Variants in EIF3F observed in about 807,000 individuals in gnomAD.
The protein encoded by EIF3F is eukaryotic translation initiation factor 3 subunit F.
Under a neutral mutation model 36.0 loss-of-function variants are expected in EIF3F, and 8 were observed. The observed-to-expected ratio is 0.22, with a 90% CI of 0.13 to 0.40. The LOEUF (loss-of-function observed/expected upper bound fraction) is 0.40. Among genes scored for constraint, EIF3F ranks in the 10% least tolerant of loss-of-function variants. The pLI, the probability that EIF3F is intolerant of heterozygous loss-of-function variation, is 1.00. For missense variants in EIF3F, 430 were observed against 467.6 expected (o/e 0.92, Z 0.74); for synonymous variants, 184 against 188.5 (o/e 0.98, Z 0.19).
rs189557868 is a variant in EIF3F, at chr11:7,993,218, A to G, written c.653+194A>G. On this transcript the variant is annotated intron_variant, in intron 4 of 7. Coordinates refer to ENST00000651655, the MANE Select transcript of EIF3F (RefSeq NM_003754.3). ...TCCTGTAATTTCTACCGCTGATCCT[A>G]GTTGTACTCCAGTTTCTACTCATTG... Among the ~76,000 whole-genome samples the G allele has an allele frequency of 2.6e-5, 4 of 152,260 alleles. No individual in the cohort carries two copies. In the East Asian group the frequency reaches 7.7e-4, roughly 29 times the overall value.
rs746075840 is a variant in EIF3F at position 7,995,269 on chromosome 11, G to C, written c.898G>C (p.Ala300Pro). 5 of 1,613,950 alleles carry C rather than the reference G, an allele frequency of 3.1e-6. No individual in the cohort carries two copies. In the Admixed American group the frequency reaches 5.0e-5, roughly 16 times the overall value. ...TGGTACTCAGTCTGGAAAGGTGTCA[G>C]CTGACAATACTGTGGGCCGCTTCCT... Reference protein sequence around the residue: ...AEDVLSGKVSADNTVGRFLMS... With the variant: ...AEDVLSGKVSPDNTVGRFLMS... The change falls in exon 7 of 8, where the codon GCT becomes CCT. Residue 300 changes from alanine (A) to proline (P), a missense_variant. Physicochemically the swap from Ala to Pro is conservative, Grantham distance 27. This residue lies in a region of EIF3F where 262 missense variants were observed against 347.4 expected (regional missense o/e 0.75). Transcript: ENST00000651655.
chr11:7,996,049 G>A lies in EIF3F; in HGVS notation c.*27G>A. On this transcript the variant is annotated 3_prime_UTR_variant, in exon 8 of 8. Coordinates refer to ENST00000651655, the MANE Select transcript of EIF3F (RefSeq NM_003754.3). ...TGGACCCCAAGCAGTACACTTGCTG[G>A]TCTAGGTATTAACCCCAGGACTCAG... 1 of 1,608,460 alleles carries A rather than the reference G, an allele frequency of 6.2e-7. No individual in the cohort carries two copies. The highest frequency in any genetic ancestry group is 1.3e-5 in the African/African-American group (1 of 74,906).
At position 8,000,549 on chromosome 11, in the gene EIF3F, ATGTGAGG is replaced by A. The variant is rs1942209432; in HGVS notation, c.*4530_*4536del. 6.6e-6 allele frequency: 1 copy of A among 151,716 alleles called. No individual in the cohort carries two copies. Among genetic ancestry groups the A allele is most frequent in the Non-Finnish European group, 1.5e-5 (1 of 67,892 alleles). 9.4% of individuals were successfully genotyped at this position (151,716 alleles called of 1,614,324 possible). On this transcript the variant is annotated 3_prime_UTR_variant, in exon 8 of 8. Coordinates refer to ENST00000651655, the MANE Select transcript of EIF3F (RefSeq NM_003754.3). ...GTAGATCTCACCAGGAGAAATGAAT[ATGTGAGG>A]TGATGGATGTAACTAGCTTGATTGT...
At chr11:7,992,760 G>C in intron 3 of EIF3F, 127 bp from the exon 4 acceptor site, 1 of 1,182,312 alleles carries the variant, frequency 8.5e-7, no homozygotes. Context: ...TATTGCTCTT[G>C]GCAGTTGGTG....
rs1196941674 is a variant in EIF3F, at chr11:7,997,667, TTAATAA to T, written c.*1650_*1655del. 3.3e-5 allele frequency: 5 copies of T among 152,128 alleles called. No homozygotes were observed. Among genetic ancestry groups the T allele is most frequent in the Non-Finnish European group, 2.9e-5 (2 of 68,024 alleles). The allele number at this position is 152,128 out of a possible 1,614,324, so 9.4% of individuals were successfully genotyped here. A position where few individuals can be genotyped will look rare whatever the true frequency, so the allele number is the denominator to read the frequency against. On this transcript the variant is annotated 3_prime_UTR_variant, in exon 8 of 8. Coordinates refer to ENST00000651655, the MANE Select transcript of EIF3F (RefSeq NM_003754.3). Reference sequence around the variant, plus strand: ...CTGTGAGTAACAATATAGGTGAATGTTAATAATAATGTTGAATGAAAAAAGCTGGTG... The same window carrying T: ...CTGTGAGTAACAATATAGGTGAATGTTAATGTTGAATGAAAAAAGCTGGTG...
rs1942156635 is a variant in EIF3F, at chr11:7,996,079, G to A, written c.*57G>A. The stretch of plus-strand genomic sequence containing the variant: ...GGTATTAACCCCAGGACTCAGAAGT[G>A]AAGGAGAAATGGGTTTTTTGTGGTC... On this transcript the variant is annotated 3_prime_UTR_variant, in exon 8 of 8. Coordinates refer to ENST00000651655, the MANE Select transcript of EIF3F (RefSeq NM_003754.3). 33 of 1,555,882 alleles carry A rather than the reference G, an allele frequency of 2.1e-5. No individual in the cohort carries two copies. The Admixed American group carries it at 4.7e-4, about 22-fold the overall frequency.
chr11:7,988,118 T>A (rs757248663), intron 1 of EIF3F, among the ~76,000 whole-genome samples: 2 of 152,234 alleles, frequency 1.3e-5, no homozygotes, highest in Non-Finnish European at 2.9e-5. Flanking sequence ...TGACTCCCTA[T>A]ACCAGTGACC....
chr11:7,987,419 C>T lies in EIF3F; in HGVS notation c.67C>T (p.Pro23Ser), dbSNP rs777715143. ...ATPTPVPAAAPASVPAPTPAP... is the reference protein window; with the variant it reads ...ATPTPVPAAASASVPAPTPAP... ...GCCAACCCCAGTCCCGGCGGCGGCC[C>T]CAGCCTCAGTTCCAGCGCCAACGCC... Residue 23 changes from proline to serine, a missense_variant, in exon 1 of 8, where the codon CCA becomes TCA. This residue lies in a region of EIF3F where 168 missense variants were observed against 120.2 expected (regional missense o/e 1.40). Transcript: ENST00000651655. The T allele has an allele frequency of 3.7e-6, 6 of 1,601,808 alleles. No homozygotes were observed. Among genetic ancestry groups the T allele is most frequent in the South Asian group, 2.2e-5 (2 of 90,930 alleles).
rs1289377817 is a variant in EIF3F, at chr11:7,997,066, A to G, written c.*1044A>G. ...GATGCCTAAAGGTGAATAGTTTGAA[A>G]GTAATAAGCAACATGAACCCCAGCC... On this transcript the variant is annotated 3_prime_UTR_variant, in exon 8 of 8. Transcript: ENST00000651655. 6.6e-6 allele frequency: 1 copy of G among 152,220 alleles called. No homozygotes were observed. Among genetic ancestry groups the G allele is most frequent in the Non-Finnish European group, 1.5e-5 (1 of 68,038 alleles). The allele number at this position is 152,220 out of a possible 1,614,324, so 9.4% of individuals were successfully genotyped here. A position where few individuals can be genotyped will look rare whatever the true frequency, so the allele number is the denominator to read the frequency against.
At chr11:7,988,535 G>A (rs1455396794) in intron 1 of EIF3F, among the ~76,000 whole-genome samples, 1 of 152,152 alleles carries the variant, frequency 6.6e-6, no homozygotes, top group East Asian at 1.9e-4. Context: ...AGGGATTGTT[G>A]ATAATAAATT....
intron 6 of EIF3F, 46 bp from the exon 7 acceptor site, chr11:7,995,208 G>A (rs1942146753): frequency 6.2e-7 from 1 of 1,606,730 alleles, no homozygotes; most frequent in Non-Finnish European, 8.5e-7. Flanking sequence ...GTAGGGCTCA[G>A]TGGTTATAAT....
rs113627033 is a variant in EIF3F, at chr11:7,987,858, A to G, written c.364+142A>G. On this transcript the variant is annotated intron_variant, in intron 1 of 7. Transcript: ENST00000651655. ...CAATGACCTCTTAATCTATATCTGC[A>G]TCCTACCTTTTGCTGTGACTTATCT... is the stretch of plus-strand genomic sequence containing the variant. 1.1e-3 allele frequency: 1,392 copies of G among 1,239,732 alleles called. 13 individuals carry two copies. The African/African-American group carries it at 0.018, about 16-fold the overall frequency. 76.8% of individuals were successfully genotyped at this position (1,239,732 alleles called of 1,614,324 possible). A position where few individuals can be genotyped will look rare whatever the true frequency, so the allele number is the denominator to read the frequency against.
At chr11:7,995,916 C>T (rs1338091130) in intron 7 of EIF3F, 29 bp from the exon 8 acceptor site, 1 of 1,606,716 alleles carries the variant, frequency 6.2e-7, no homozygotes, top group African/African-American at 1.3e-5. Flanking sequence ...ACCCAACCCC[C>T]CACTCATTGT....
At chr11:7,993,819 T>C (rs148121468) in intron 4 of EIF3F, among the ~76,000 whole-genome samples, 1 of 142,336 alleles carries the variant, frequency 7.0e-6, no homozygotes, top group African/African-American at 2.8e-5. Context: ...TATTTCAGAC[T>C]CCTCAAGATC....
At position 8,000,990 on chromosome 11, in the gene EIF3F, A is replaced by G. The variant is rs549900511; in HGVS notation, c.*4968A>G. ...CACACATACACAAATAGTCAATACA[A>G]ATATAAAACTGGGAAAATATTTGCA... On this transcript the variant is annotated 3_prime_UTR_variant, in exon 8 of 8. Coordinates refer to ENST00000651655, the MANE Select transcript of EIF3F (RefSeq NM_003754.3). 5.3e-5 allele frequency: 8 copies of G among 152,342 alleles called. No individual in the cohort carries two copies. The East Asian group carries it at 1.3e-3, about 26-fold the overall frequency. 9.4% of individuals were successfully genotyped at this position (152,342 alleles called of 1,614,324 possible).
intron 7 of EIF3F, 134 bp from the exon 8 acceptor site, chr11:7,995,811 A>T: frequency 2.7e-6 from 2 of 743,768 alleles, no homozygotes; most frequent in Admixed American, 2.1e-5. Context: ...TTTGACTTTT[A>T]TTCAGTCTCT....
chr11:8,001,035 C>CT lies in EIF3F; in HGVS notation c.*5014dup. 6.6e-6 allele frequency: 1 copy of CT among 152,108 alleles called. No individual in the cohort carries two copies. The highest frequency in any genetic ancestry group is 1.5e-5 in the Non-Finnish European group (1 of 68,022). 9.4% of individuals were successfully genotyped at this position (152,108 alleles called of 1,614,324 possible). ...TTTGCAGTTCATATCAAAAAAAGGGCTAATATTCTTGTCCCAGAATTCCTA... is the reference window on the plus strand; with the variant it reads ...TTTGCAGTTCATATCAAAAAAAGGGCTTAATATTCTTGTCCCAGAATTCCTA... On this transcript the variant is annotated 3_prime_UTR_variant, in exon 8 of 8. Transcript: ENST00000651655.
At chr11:7,995,726 G>T in intron 7 of EIF3F, 1 of 612,960 alleles carries the variant, frequency 1.6e-6, no homozygotes, top group Non-Finnish European at 2.9e-6. Context: ...TTTCAGCTAA[G>T]GCACCCCTAG....
At position 7,996,320 on chromosome 11, in the gene EIF3F, A is replaced by T; in HGVS notation, c.*298A>T. 3.8e-6 allele frequency: 1 copy of T among 260,736 alleles called. No homozygotes were observed. The allele number at this position is 260,736 out of a possible 1,614,324, so 16.2% of individuals were successfully genotyped here. A position where few individuals can be genotyped will look rare whatever the true frequency, so the allele number is the denominator to read the frequency against. On this transcript the variant is annotated 3_prime_UTR_variant, in exon 8 of 8. Coordinates refer to ENST00000651655, the MANE Select transcript of EIF3F (RefSeq NM_003754.3). The stretch of plus-strand genomic sequence containing the variant: ...CCAAACTGTTCTTTTGGTTTTCAAT[A>T]TGGAAAGGTGTCCATTGGCAAAACA...
Sources: allele counts gnomAD v4.1 joint callset (sites outside exome capture counted in the v4.1 genomes callset), GRCh38; gene constraint gnomAD v4.1.1; regional missense constraint gnomAD v4.1.1; transcripts MANE v1.5; gene names NCBI Gene and HGNC (gene_info 2026-07-23, HGNC 2026-07-21).